The following FAU variants were observed in gnomAD, a reference collection of about 807,000 sequenced individuals.
FAU encodes the protein FAU ubiquitin like and ribosomal protein S30 fusion, also known as ubiquitin-like FUBI-ribosomal protein eS30 fusion protein.
For synonymous variants in FAU, 70 were observed against 69.9 expected (o/e 1.00, Z -0.01); for missense variants, 125 against 173.9 (o/e 0.72, Z 1.58).
chr11:65,121,510 G>A lies in FAU; in HGVS notation c.210C>T (p.Arg70=). 1 of 1,613,304 alleles carries A rather than the reference G, an allele frequency of 6.2e-7. No homozygotes were observed. Among genetic ancestry groups the A allele is most frequent in the South Asian group, 1.1e-5 (1 of 91,046 alleles). ...EALTTLEVAG[R]MLGGKVHGSL... ...TCCTCTCTCACTCACCTCCAAGCAT[G>A]CGGCCTGCTACTTCCAGGGTAGTCA... The change falls in exon 3 of 5, where the codon CGC becomes CGT. Residue 70 remains arginine (R), a synonymous_variant. Transcript: ENST00000529639.
chr11:65,121,428 C>A, intron 3 of FAU, 72 bp downstream of exon 3: 1 of 1,539,896 alleles, frequency 6.5e-7, no homozygotes, highest in South Asian at 1.2e-5. Flanking sequence ...TGACACTCAG[C>A]TGTCAGGACT....
In FAU at chr11:65,121,995, G is replaced by C. The variant is rs578167512; in HGVS notation, c.-9+95C>G. On this transcript the variant is annotated intron_variant, in intron 1 of 4. Transcript: ENST00000529639. ...CGGATAGGGACTGGAGCAGGGCCAC[G>C]GAGCAGGCCCCGTTCTTCGGTTCCC... 7.3e-5 allele frequency: 48 copies of C among 654,820 alleles called. 1 individual carries two copies. The highest frequency in any genetic ancestry group is 7.3e-4 in the South Asian group (38 of 52,388). 40.6% of individuals were successfully genotyped at this position (654,820 alleles called of 1,614,324 possible).
intron 1 of FAU, 92 bp from the exon 2 acceptor site, chr11:65,121,913 C>T (rs1479962785): frequency 1.5e-6 from 2 of 1,327,958 alleles, no homozygotes; most frequent in African/African-American, 1.5e-5. Flanking sequence ...GAAACGATCG[C>T]GACGGGATGG....
chr11:65,121,379 G>A, intron 3 of FAU, 121 bp downstream of exon 3: 1 of 1,325,468 alleles, frequency 7.5e-7, no homozygotes, highest in Non-Finnish European at 1.0e-6. Context: ...GAATCACTCT[G>A]AACTGAAGAC....
intron 3 of FAU, 164 bp from the exon 4 acceptor site, chr11:65,121,200 T>C (rs1222689753): frequency 2.5e-6 from 2 of 813,296 alleles, no homozygotes; most frequent in Non-Finnish European, 3.9e-6. Flanking sequence ...CATTTCAGGA[T>C]CTTCCAGCTT....
intron 4 of FAU, 78 bp from the exon 5 acceptor site, chr11:65,120,884 G>A: frequency 6.2e-7 from 1 of 1,609,126 alleles, no homozygotes; most frequent in Admixed American, 1.7e-5. Context: ...TCATCTCCAG[G>A]GAGGGAGAAG....
At chr11:65,122,065 G>A (rs1948054419) in intron 1 of FAU, 25 bp downstream of exon 1, 3 of 603,198 alleles carry the variant, frequency 5.0e-6, no homozygotes, top group Non-Finnish European at 8.8e-6. Context: ...AAGCCCTTCG[G>A]ATCCAGCCAA....
At chr11:65,120,860 C>T in intron 4 of FAU, 54 bp from the exon 5 acceptor site, 1 of 1,610,908 alleles carries the variant, frequency 6.2e-7, no homozygotes, top group South Asian at 1.1e-5. Context: ...CACCTAGCAT[C>T]CCTTCCCTCA....
At chr11:65,121,367 A>C (rs1279696659) in intron 3 of FAU, 133 bp downstream of exon 3, 1 of 1,236,500 alleles carries the variant, frequency 8.1e-7, no homozygotes, top group African/African-American at 1.5e-5. Context: ...TGTAAACAGG[A>C]AGAATCACTC....
chr11:65,121,999 C>T (rs1948053619), intron 1 of FAU, 91 bp downstream of exon 1: 9 of 647,592 alleles, frequency 1.4e-5, no homozygotes, highest in Middle Eastern at 8.2e-4. Flanking sequence ...GGCCACGGAG[C>T]AGGCCCCGTT....
At chr11:65,121,864 C>T (rs1260666913) in intron 1 of FAU, 43 bp from the exon 2 acceptor site, 8 of 1,594,430 alleles carry the variant, frequency 5.0e-6, no homozygotes, top group Non-Finnish European at 6.9e-6. Flanking sequence ...CCAAGAAATG[C>T]TCTGGGATAA....
intron 3 of FAU, chr11:65,121,272 A>C: frequency 1.4e-6 from 1 of 735,004 alleles, no homozygotes. Context: ...GAAGCTGATA[A>C]CCAGACTAGG....
intron 1 of FAU, 62 bp from the exon 2 acceptor site, chr11:65,121,883 T>C (rs1948052561): frequency 3.2e-6 from 5 of 1,560,166 alleles, no homozygotes; most frequent in Non-Finnish European, 4.4e-6. Context: ...AAAGGAGATT[T>C]GGGAGTGGAA....
intron 4 of FAU, 64 bp downstream of exon 4, chr11:65,120,917 G>A (rs368678055): frequency 1.4e-5 from 22 of 1,610,258 alleles, no homozygotes; most frequent in African/African-American, 2.7e-5. Flanking sequence ...AGAGCCCAGG[G>A]ACTTGGTTTA....
Position 65,122,096 on chromosome 11 carries a change from G to C in FAU, c.-15C>G. 1.7e-6 allele frequency: 1 copy of C among 598,458 alleles called. No homozygotes were observed. Among genetic ancestry groups the C allele is most frequent in the South Asian group, 2.0e-5 (1 of 50,556 alleles). The allele number at this position is 598,458 out of a possible 1,614,324, so 37.1% of individuals were successfully genotyped here. On this transcript the variant is annotated 5_prime_UTR_variant, in exon 1 of 5. Transcript: ENST00000529639. ...GCCAAGGCCCCATTCTTACCTGAAC[G>C]GCGGTCCCAGCTACCGCGAAGATGG...
rs774952622 is a variant in FAU at position 65,121,546 on chromosome 11, C to T, written c.174G>A (p.Gly58=). 9 of 1,614,022 alleles carry T rather than the reference C, an allele frequency of 5.6e-6. No homozygotes were observed. The highest frequency in any genetic ancestry group is 3.3e-5 in the Admixed American group (2 of 60,020). The part of the protein sequence containing the change: ...LEDEATLGQC[G]VEALTTLEVA... Reference sequence around the variant, plus strand: ...CTTCCAGGGTAGTCAGGGCCTCCACCCCGCACTGGCCCAGAGTGGCCTCAT... The same window carrying T: ...CTTCCAGGGTAGTCAGGGCCTCCACTCCGCACTGGCCCAGAGTGGCCTCAT... The change falls in exon 3 of 5, where the codon GGG becomes GGA. Residue 58 remains glycine (G), a synonymous_variant. Transcript: ENST00000529639.
intron 1 of FAU, 97 bp downstream of exon 1, chr11:65,121,993 A>T: frequency 1.5e-6 from 1 of 663,650 alleles, no homozygotes; most frequent in Non-Finnish European, 2.6e-6. Context: ...GAGCAGGGCC[A>T]CGGAGCAGGC....
rs562540853 is a variant in FAU at position 65,122,116 on chromosome 11, A to C, written c.-35T>G. 1.7e-6 allele frequency: 1 copy of C among 600,116 alleles called. No individual in the cohort carries two copies. Among genetic ancestry groups the C allele is most frequent in the African/African-American group, 1.9e-5 (1 of 53,996 alleles). The allele number at this position is 600,116 out of a possible 1,614,324, so 37.2% of individuals were successfully genotyped here. On this transcript the variant is annotated 5_prime_UTR_variant, in exon 1 of 5. Coordinates refer to ENST00000529639, the MANE Select transcript of FAU (RefSeq NM_001997.5). ...TGAACGGCGGTCCCAGCTACCGCGAAGATGGAGTCGAGAAAGAGGAAGAAG... is the reference window on the plus strand; with the variant it reads ...TGAACGGCGGTCCCAGCTACCGCGACGATGGAGTCGAGAAAGAGGAAGAAG...
intron 2 of FAU, 43 bp from the exon 3 acceptor site, chr11:65,121,687 G>T: frequency 6.2e-7 from 1 of 1,613,784 alleles, no homozygotes; most frequent in Non-Finnish European, 8.5e-7. Flanking sequence ...CTCGGGCCGC[G>T]AGAGTGAAGA....
Sources: allele counts gnomAD v4.1 joint callset, GRCh38; gene constraint gnomAD v4.1.1; transcripts MANE v1.5; gene names NCBI Gene and HGNC (gene_info 2026-07-23, HGNC 2026-07-21).